Variants in AP3B1 observed in about 807,000 individuals in gnomAD.
The protein encoded by AP3B1 is AP-3 complex subunit beta-1.
In AP3B1, 61 loss-of-function variants were observed where a neutral mutation model predicts 132.5. The ratio of observed to expected loss-of-function variants is 0.46; its 90% confidence interval spans 0.37 to 0.57. AP3B1 has a LOEUF of 0.57. Among genes scored for constraint, AP3B1 ranks in the 20% least tolerant of loss-of-function variants. The pLI, the probability that AP3B1 is intolerant of heterozygous loss-of-function variation, is 0.00. For missense variants in AP3B1, 1,120 were observed against 1,289.4 expected (o/e 0.87, Z 2.01); for synonymous variants, 388 against 438.3 (o/e 0.89, Z 1.43).
At chr5:78,058,496 T>C (rs1411863443) in intron 22 of AP3B1, among the ~76,000 whole-genome samples, 2 of 150,436 alleles carry the variant, frequency 1.3e-5, no homozygotes, top group Non-Finnish European at 3.0e-5. Flanking sequence ...TGAGACTCCA[T>C]CTCAAAAAAA....
At chr5:78,033,968 A>G (rs181864477) in intron 24 of AP3B1, among the ~76,000 whole-genome samples, 3 of 152,114 alleles carry the variant, frequency 2.0e-5, no homozygotes. Context: ...ATGTATGTAT[A>G]TCTCAAAAGA....
intron 15 of AP3B1, among the ~76,000 whole-genome samples, chr5:78,133,431 AG>A (rs1418177029): frequency 1.3e-5 from 2 of 152,250 alleles, no homozygotes; most frequent in African/African-American, 4.8e-5. Flanking sequence ...GGCAGAAGAT[AG>A]AAGACCTCAA....
chr5:78,262,566 C>CT (rs1455516197), intron 2 of AP3B1, among the ~76,000 whole-genome samples: 1 of 152,182 alleles, frequency 6.6e-6, no homozygotes, highest in Non-Finnish European at 1.5e-5. Context: ...TCTGAGCTCC[C>CT]TATTGTGTTC....
intron 6 of AP3B1, among the ~76,000 whole-genome samples, chr5:78,218,558 C>T (rs1746051920): frequency 2.6e-5 from 4 of 152,026 alleles, no homozygotes; most frequent in African/African-American, 7.2e-5. Flanking sequence ...AAAAGTGACA[C>T]CCCATCTATG....
At position 78,175,608 on chromosome 5, in the gene AP3B1, A is replaced by T. The variant is rs1385766152; in HGVS notation, c.1167+18T>A. On this transcript the variant is annotated intron_variant, in intron 11 of 26. Coordinates refer to ENST00000255194, the MANE Select transcript of AP3B1 (RefSeq NM_003664.5). ...AACAAATGTGTTAAAAGCCTCTGAA[A>T]AATGAAAGCATACATACCTTCAGTG... The T allele has an allele frequency of 6.2e-7, 1 of 1,601,060 alleles. No individual in the cohort carries two copies. The highest frequency in any genetic ancestry group is 1.7e-5 in the Admixed American group (1 of 59,864).
In AP3B1 at chr5:78,231,527, T is replaced by TA. The variant is rs575705069; in HGVS notation, c.280-3289dup. 6.7e-4 allele frequency among the ~76,000 whole-genome samples: 99 copies of TA among 148,180 alleles called. 2 individuals carry two copies. Among genetic ancestry groups the TA allele is most frequent in the African/African-American group, 1.5e-3 (62 of 40,482 alleles). On this transcript the variant is annotated intron_variant, in intron 3 of 26. Transcript: ENST00000255194. ...TGCATTGTATGATCTCACTTCTGTA[T>TA]AAAAAAAAAATAGATGCCCACATAC... is the stretch of plus-strand genomic sequence containing the variant.
Position 78,216,181 on chromosome 5 carries a change from A to ATCTAT in AP3B1, c.655_659dup (p.Asp220GlufsTer2). The ATCTAT allele has an allele frequency of 6.2e-7, 1 of 1,614,020 alleles. No individual in the cohort carries two copies. Among genetic ancestry groups the ATCTAT allele is most frequent in the Non-Finnish European group, 8.5e-7 (1 of 1,179,932 alleles). On this transcript the variant is annotated stop_gained and frameshift_variant, in exon 7 of 27. Coordinates refer to ENST00000255194, the MANE Select transcript of AP3B1 (RefSeq NM_003664.5). LOFTEE classifies it high-confidence loss of function. ...GCTTGCGGTAATTTTTATGAATCAG[A>ATCTAT]TCTATTCTGTCCGGGCATACTTCTT... is the stretch of plus-strand genomic sequence containing the variant.
At chr5:78,288,262 G>A (rs1005476891) in intron 1 of AP3B1, among the ~76,000 whole-genome samples, 2 of 152,132 alleles carry the variant, frequency 1.3e-5, no homozygotes, top group African/African-American at 4.8e-5. Flanking sequence ...AATTACTGAC[G>A]GTTAGTTCAC....
At chr5:78,026,094 C>A (rs916031141) in intron 24 of AP3B1, among the ~76,000 whole-genome samples, 3 of 152,084 alleles carry the variant, frequency 2.0e-5, no homozygotes, top group African/African-American at 4.8e-5. Flanking sequence ...TCTTCACAAC[C>A]CCTTTGATTA....
chr5:78,153,954 TTTCTA>T (rs1743020243), intron 14 of AP3B1, among the ~76,000 whole-genome samples: 1 of 152,182 alleles, frequency 6.6e-6, no homozygotes, highest in African/African-American at 2.4e-5. Context: ...CGTTTTAGTC[TTTCTA>T]TTCAAGACAT....
At chr5:78,073,419 C>A (rs539908926) in intron 22 of AP3B1, among the ~76,000 whole-genome samples, 2 of 152,120 alleles carry the variant, frequency 1.3e-5, no homozygotes, top group Admixed American at 1.3e-4. Flanking sequence ...ATCTAAGATA[C>A]CATAATGCTT....
intron 1 of AP3B1, among the ~76,000 whole-genome samples, chr5:78,285,877 C>G (rs1235153310): frequency 6.6e-6 from 1 of 152,160 alleles, no homozygotes; most frequent in Non-Finnish European, 1.5e-5. Flanking sequence ...CCAATCGGAT[C>G]ACCTTCTCTT....
At chr5:78,208,539 A>G (rs1194452838) in intron 7 of AP3B1, among the ~76,000 whole-genome samples, 2 of 152,194 alleles carry the variant, frequency 1.3e-5, no homozygotes, top group East Asian at 3.8e-4. Context: ...CAGAAAAACA[A>G]TAGCTTCCCC....
intron 20 of AP3B1, among the ~76,000 whole-genome samples, chr5:78,106,039 G>C (rs947606452): frequency 6.6e-6 from 1 of 152,174 alleles, no homozygotes; most frequent in African/African-American, 2.4e-5. Flanking sequence ...ACAGTGATAT[G>C]AGGCCACTTT....
chr5:78,273,319 TGAGCACAA>T, intron 1 of AP3B1, among the ~76,000 whole-genome samples: 1 of 152,086 alleles, frequency 6.6e-6, no homozygotes. Context: ...GGGAGAATCT[TGAGCACAA>T]GAGGGTAAGA....
chr5:78,195,551 G>A (rs1022594997), intron 7 of AP3B1, among the ~76,000 whole-genome samples: 11 of 152,168 alleles, frequency 7.2e-5, no homozygotes, highest in African/African-American at 1.2e-4. Context: ...CAGGCGCAGC[G>A]GCTCACGCCT....
intron 21 of AP3B1, among the ~76,000 whole-genome samples, chr5:78,093,785 G>A (rs544628798): frequency 1.3e-5 from 2 of 152,292 alleles, no homozygotes; most frequent in South Asian, 4.1e-4. Context: ...CGTATATCAA[G>A]TCATTTCATC....
intron 7 of AP3B1, among the ~76,000 whole-genome samples, chr5:78,210,757 G>C (rs1745699360): frequency 6.6e-6 from 1 of 152,000 alleles, no homozygotes; most frequent in Non-Finnish European, 1.5e-5. Flanking sequence ...TTTCCTTTCA[G>C]TTTACAATTG....
chr5:78,111,051 C>T (rs1751570993), intron 19 of AP3B1, among the ~76,000 whole-genome samples: 1 of 152,008 alleles, frequency 6.6e-6, no homozygotes, highest in African/African-American at 2.4e-5. Flanking sequence ...AGCCACCACA[C>T]CTGGTTTAGT....
Sources: allele counts gnomAD v4.1 joint callset (sites outside exome capture counted in the v4.1 genomes callset), GRCh38; gene constraint gnomAD v4.1.1; transcripts MANE v1.5; gene names NCBI Gene and HGNC (gene_info 2026-07-23, HGNC 2026-07-21).